Variants in APBB1 observed in about 807,000 individuals in gnomAD.
APBB1 encodes adaptor protein FE65a2.
Under a neutral mutation model 78.4 loss-of-function variants are expected in APBB1, and 22 were observed. The ratio of observed to expected loss-of-function variants is 0.28; its 90% CI spans 0.20 to 0.40. APBB1 has a LOEUF of 0.40. Ranked by LOEUF, APBB1 falls within the 10% of genes least tolerant of loss-of-function variation. APBB1 has a pLI of 1.00. For synonymous variants in APBB1, 369 were observed against 372.7 expected (o/e 0.99, Z 0.12); for missense variants, 749 against 932.4 (o/e 0.80, Z 2.56).
At position 6,400,271 on chromosome 11, in the gene APBB1, T is replaced by C. The variant is rs1474577492; in HGVS notation, c.1672+718A>G. 2.6e-5 allele frequency among the ~76,000 whole-genome samples: 4 copies of C among 152,226 alleles called. No homozygotes were observed. The East Asian group carries it at 7.7e-4, about 29-fold the overall frequency. On this transcript the variant is annotated intron_variant, in intron 12 of 14. Transcript: ENST00000609360. ...GTTAACCAGATCAGGCCAGGCACAG[T>C]GGCTCACGCCTGTAATCCCGGCACT...
chr11:6,400,202 A>G (rs908770163), intron 12 of APBB1, among the ~76,000 whole-genome samples: 9 of 152,176 alleles, frequency 5.9e-5, no homozygotes, highest in Admixed American at 5.9e-4. Context: ...TTAAGTGAAT[A>G]AACAAATAAA....
chr11:6,401,623 T>C lies in APBB1; in HGVS notation c.1454A>G (p.Glu485Gly), dbSNP rs1848515887. The stretch of plus-strand genomic sequence containing the variant: ...GGTGGCGATGTTCTTGGCAGGTGCC[T>C]CACAGCGAAACACGTGGCACTTGAG... ...QMLKCHVFRC[E>G]APAKNIATSL... Residue 485 changes from glutamate (E) to glycine (G), a missense_variant, in exon 10 of 15, where the codon GAG becomes GGG. Physicochemically the swap from Glu to Gly is moderately conservative, Grantham distance 98. Around this residue, in one of 3 missense-constraint regions of APBB1, gnomAD observed 635 missense variants for 765.0 expected, o/e 0.83. Coordinates refer to ENST00000609360, the MANE Select transcript of APBB1 (RefSeq NM_001164.5). This position sits in a 1 kb window ranked among gnomAD's most constrained non-coding sequence, Gnocchi z 4.5. The C allele has an allele frequency of 6.2e-7, 1 of 1,614,172 alleles. No homozygotes were observed. The highest frequency in any genetic ancestry group is 1.3e-5 in the African/African-American group (1 of 75,038).
intron 2 of APBB1, among the ~76,000 whole-genome samples, chr11:6,408,098 C>T (rs1848863308): frequency 6.6e-6 from 1 of 152,134 alleles, no homozygotes; most frequent in Admixed American, 6.5e-5. Context: ...TATTTAATAC[C>T]ACCTATGAAA....
At chr11:6,413,038 C>T (rs985679786) in intron 1 of APBB1, among the ~76,000 whole-genome samples, 5 of 152,078 alleles carry the variant, frequency 3.3e-5, no homozygotes, top group African/African-American at 1.2e-4. Context: ...ATCCTCCCCA[C>T]TCTCCCTGAC....
At chr11:6,407,449 C>T (rs568378529) in intron 2 of APBB1, among the ~76,000 whole-genome samples, 1 of 152,344 alleles carries the variant, frequency 6.6e-6, no homozygotes, top group East Asian at 1.9e-4. Context: ...TGACTCACAC[C>T]CCCTAGTCTT....
In APBB1 at chr11:6,395,671, A is replaced by G; in HGVS notation, c.1996T>C (p.Ser666Pro). The change falls in exon 15 of 15, where the codon TCC becomes CCC. Residue 666 changes from serine to proline, a missense_variant. By Grantham distance (74) the Ser-to-Pro change is moderately conservative. This residue lies in a region of APBB1 where 96 missense variants were observed against 116.0 expected (regional missense o/e 0.83). Transcript: ENST00000609360. This position sits in a 1 kb window ranked among gnomAD's most constrained non-coding sequence, Gnocchi z 5.2. ...LRYQKCLDAR[S>P]QASTSCLPAP... ...GGGAGGCAGGAGGTGGAGGCCTGGGAACGGGCATCCAGACACTTCTGGTAG... is the reference window on the plus strand; with the variant it reads ...GGGAGGCAGGAGGTGGAGGCCTGGGGACGGGCATCCAGACACTTCTGGTAG... 1 of 1,590,162 alleles carries G rather than the reference A, an allele frequency of 6.3e-7. No individual in the cohort carries two copies. Among genetic ancestry groups the G allele is most frequent in the Non-Finnish European group, 8.6e-7 (1 of 1,167,324 alleles).
intron 12 of APBB1, among the ~76,000 whole-genome samples, chr11:6,400,317 G>C (rs1237055052): frequency 6.6e-6 from 1 of 152,188 alleles, no homozygotes; most frequent in Non-Finnish European, 1.5e-5. Flanking sequence ...GAGGCAGGTG[G>C]ATCACTTGAG....
At position 6,402,117 on chromosome 11, in the gene APBB1, G is replaced by T. The variant is rs760805206; in HGVS notation, c.1347C>A (p.Ser449Arg). The T allele has an allele frequency of 9.9e-6, 16 of 1,614,042 alleles. No individual in the cohort carries two copies. Among genetic ancestry groups the T allele is most frequent in the Non-Finnish European group, 1.4e-5 (16 of 1,180,034 alleles). ...QALLHAQPII[S>R]IRVWGVGRDS... The stretch of plus-strand genomic sequence containing the variant: ...CCCGCCCGACGCCCCACACGCGGAT[G>T]CTGATGATGGGTTGGGCGTGCAGCA... Residue 449 changes from serine (S) to arginine (R), a missense_variant, in exon 8 of 15, where the codon AGC becomes AGA. Ser to Arg is a moderately radical substitution (Grantham distance 110). Around this residue, in one of 3 missense-constraint regions of APBB1, gnomAD observed 635 missense variants for 765.0 expected, o/e 0.83. Coordinates refer to ENST00000609360, the MANE Select transcript of APBB1 (RefSeq NM_001164.5).
intron 2 of APBB1, chr11:6,405,442 G>T: frequency 1.0e-6 from 1 of 987,170 alleles, no homozygotes; most frequent in East Asian, 1.1e-4. Flanking sequence ...CACCAGGACC[G>T]GCTGGGAGCG....
chr11:6,400,680 C>T (rs1455061472), intron 12 of APBB1, among the ~76,000 whole-genome samples: 1 of 152,188 alleles, frequency 6.6e-6, no homozygotes, highest in Non-Finnish European at 1.5e-5. Flanking sequence ...TGGTGTCCTC[C>T]AGTCATCTAA....
At chr11:6,407,527 T>A (rs1390683612) in intron 2 of APBB1, among the ~76,000 whole-genome samples, 2 of 152,224 alleles carry the variant, frequency 1.3e-5, no homozygotes, top group African/African-American at 4.8e-5. Context: ...GCCTGCACAG[T>A]GCTTTTTAAA....
At chr11:6,418,421 T>C (rs936561977) in intron 1 of APBB1, among the ~76,000 whole-genome samples, 1 of 152,206 alleles carries the variant, frequency 6.6e-6, no homozygotes, top group Admixed American at 6.5e-5. Flanking sequence ...GCTGGGACTA[T>C]AGCTAGAGGG....
intron 2 of APBB1, among the ~76,000 whole-genome samples, chr11:6,406,081 C>CT (rs1366999603): frequency 6.6e-6 from 1 of 152,178 alleles, no homozygotes; most frequent in Non-Finnish European, 1.5e-5. Context: ...GCAGTTTCTC[C>CT]CCCCTTGGCC....
intron 12 of APBB1, among the ~76,000 whole-genome samples, chr11:6,399,470 C>T (rs967456470): frequency 6.6e-5 from 10 of 152,212 alleles, no homozygotes; most frequent in Admixed American, 6.5e-4. Context: ...CCTTGTCCCT[C>T]ACCCACATCG....
intron 2 of APBB1, chr11:6,404,549 T>C: frequency 6.5e-7 from 1 of 1,528,270 alleles, no homozygotes; most frequent in Non-Finnish European, 8.8e-7. Context: ...AGACGCTCAC[T>C]TCCTGACCCT....
At chr11:6,417,646 GA>G (rs1008738077) in intron 1 of APBB1, among the ~76,000 whole-genome samples, 24 of 152,062 alleles carry the variant, frequency 1.6e-4, no homozygotes, top group African/African-American at 5.5e-4. Flanking sequence ...AGTAGTCAAG[GA>G]AAAAAAATGG....
Position 6,401,565 on chromosome 11 carries a change from G to A in APBB1, c.1503+9C>T, listed in dbSNP as rs1444356649. On this transcript the variant is annotated intron_variant, in intron 10 of 14. Coordinates refer to ENST00000609360, the MANE Select transcript of APBB1 (RefSeq NM_001164.5). The surrounding 1 kb of genome is among the most constrained non-coding windows in gnomAD (Gnocchi z 4.5). ...TGGCAACTAGTCCAGGGAGTGGAGG[G>A]GGCCGTGCCTTAGAGCAGATCTCAT... 8.1e-6 allele frequency: 13 copies of A among 1,614,068 alleles called. No homozygotes were observed. The highest frequency in any genetic ancestry group is 1.0e-5 in the Non-Finnish European group (12 of 1,180,046).
Position 6,419,035 on chromosome 11 carries a change from G to A in APBB1, c.-65C>T, listed in dbSNP as rs1849192882. The A allele has an allele frequency of 2.5e-6, 1 of 393,432 alleles. No homozygotes were observed. Among genetic ancestry groups the A allele is most frequent in the Non-Finnish European group, 4.5e-6 (1 of 222,620 alleles). 24.4% of individuals were successfully genotyped at this position (393,432 alleles called of 1,614,324 possible). ...ATGACGGAGGTGGCTCAGGCTGCGG[G>A]GTTCGGGCTCCGCCGCGGCTTCTCC... On this transcript the variant is annotated 5_prime_UTR_variant, in exon 1 of 15. Coordinates refer to ENST00000609360, the MANE Select transcript of APBB1 (RefSeq NM_001164.5).
At position 6,401,117 on chromosome 11, in the gene APBB1, C is replaced by T. The variant is rs114774881; in HGVS notation, c.1589-45G>A. 2,118 of 1,614,072 alleles carry T rather than the reference C, an allele frequency of 1.3e-3. 29 individuals carry two copies. The African/African-American group carries it at 0.024, about 18-fold the overall frequency. On this transcript the variant is annotated intron_variant, in intron 11 of 14. Coordinates refer to ENST00000609360, the MANE Select transcript of APBB1 (RefSeq NM_001164.5). The surrounding 1 kb of genome is among the most constrained non-coding windows in gnomAD (Gnocchi z 4.5). The stretch of plus-strand genomic sequence containing the variant: ...GTTGATCATGGTGGCAGACCTTGCT[C>T]ACCCGCAGCCCCACCAGCAGGGCAT...
Sources: gnomAD v4.1 joint callset for allele counts (sites outside exome capture counted in the v4.1 genomes callset) on GRCh38, gnomAD v4.1.1 for gene constraint, gnomAD v4.1.1 regional missense constraint, Gnocchi (gnomAD v3.1) non-coding constraint, MANE v1.5 for transcripts, NCBI Gene and HGNC (gene_info 2026-07-23, HGNC 2026-07-21) for gene names.